SORBS2: variants seen among roughly 807,000 people sequenced by gnomAD.
SORBS2 encodes the protein sorbin and SH3 domain-containing protein 2.
SORBS2 carries 46 observed loss-of-function variants against 97.7 expected under a neutral mutation model. The observed-to-expected ratio is 0.47, with a 90% confidence interval of 0.37 to 0.60. SORBS2 has a LOEUF of 0.60. SORBS2 is among the 20% of genes least tolerant of loss of function. The probability of loss-of-function intolerance (pLI) is 0.00; values close to 1 mark genes in which losing one functional copy is unlikely to be tolerated. For missense variants in SORBS2, 1,316 were observed against 1,282.3 expected (o/e 1.03, Z -0.40); for synonymous variants, 476 against 473.4 (o/e 1.01, Z -0.07).
intron 2 of SORBS2, among the ~76,000 whole-genome samples, chr4:185,679,756 C>T (rs2097845080): frequency 6.6e-6 from 1 of 152,172 alleles, no homozygotes; most frequent in African/African-American, 2.4e-5. Context: ...TATTAGATTC[C>T]CATTTCAATT....
At chr4:185,810,731 A>G (rs1303969058) in intron 1 of SORBS2, 1 of 152,196 alleles carries the variant, frequency 6.6e-6, no homozygotes, top group Non-Finnish European at 1.5e-5. Context: ...GAGACTATAA[A>G]TCAAGGAAAT....
At chr4:185,798,237 A>G (rs545272230) in intron 1 of SORBS2, among the ~76,000 whole-genome samples, 7 of 152,344 alleles carry the variant, frequency 4.6e-5, no homozygotes, top group African/African-American at 1.7e-4. Context: ...CTTTAGGATA[A>G]TGTATCATCT....
At chr4:185,631,424 A>G (rs1484439470) in intron 4 of SORBS2, among the ~76,000 whole-genome samples, 3 of 152,216 alleles carry the variant, frequency 2.0e-5, no homozygotes, top group Admixed American at 6.5e-5. Flanking sequence ...GAGGACACTG[A>G]GCTATCAAGT....
At chr4:185,712,221 A>G (rs2098426223) in intron 2 of SORBS2, among the ~76,000 whole-genome samples, 1 of 152,100 alleles carries the variant, frequency 6.6e-6, no homozygotes, top group South Asian at 2.1e-4. Context: ...CCCCAGACTT[A>G]GCTGGTAGGT....
intron 4 of SORBS2, among the ~76,000 whole-genome samples, chr4:185,662,868 ATC>A (rs772622815): frequency 5.3e-5 from 8 of 152,148 alleles, no homozygotes; most frequent in Non-Finnish European, 1.2e-4. Flanking sequence ...CACTTCATGA[ATC>A]TCTGTTTGAT....
intron 1 of SORBS2, among the ~76,000 whole-genome samples, chr4:185,838,619 G>A (rs1035902509): frequency 6.6e-6 from 1 of 152,214 alleles, no homozygotes; most frequent in Admixed American, 6.5e-5. Flanking sequence ...GCTCAGTGAT[G>A]TGTCACCTTG....
intron 1 of SORBS2, among the ~76,000 whole-genome samples, chr4:185,806,471 T>G (rs1267762786): frequency 4.0e-5 from 2 of 50,580 alleles, no homozygotes; most frequent in Non-Finnish European, 7.5e-5. Context: ...TTTTTTTTTT[T>G]TTTTGAGACG....
chr4:185,820,428 C>T (rs1299290333), intron 1 of SORBS2, among the ~76,000 whole-genome samples: 2 of 152,200 alleles, frequency 1.3e-5, no homozygotes, highest in African/African-American at 4.8e-5. Context: ...AGTTCTTTCC[C>T]TCATTTAACC....
chr4:185,729,665 T>C (rs1027367036), intron 2 of SORBS2, among the ~76,000 whole-genome samples: 1 of 152,258 alleles, frequency 6.6e-6, no homozygotes, highest in Non-Finnish European at 1.5e-5. Flanking sequence ...AGTGCTTCAT[T>C]ACTTTTCCTC....
At position 185,646,792 on chromosome 4, in the gene SORBS2, A is replaced by G. The variant is rs1420021321; in HGVS notation, c.282-10T>C. The G allele has an allele frequency of 6.8e-7, 1 of 1,478,380 alleles. No homozygotes were observed. The highest frequency in any genetic ancestry group is 2.3e-5 in the East Asian group (1 of 44,262). 91.6% of individuals were successfully genotyped at this position (1,478,380 alleles called of 1,614,324 possible). On this transcript the variant is annotated splice_polypyrimidine_tract_variant and intron_variant, in intron 3 of 14. Transcript: ENST00000418609. ...AGGATCCCAGTCATGCCTAGAAATA[A>G]ACAATAAATCACACATTAAAATAAT... is the stretch of plus-strand genomic sequence containing the variant.
At chr4:185,670,581 A>T (rs560895057) in intron 4 of SORBS2, among the ~76,000 whole-genome samples, 2 of 151,588 alleles carry the variant, frequency 1.3e-5, no homozygotes, top group Non-Finnish European at 1.5e-5. Flanking sequence ...ATAGTAATTT[A>T]CTTGAAAAGA....
chr4:185,723,068 A>G (rs2098528305), intron 2 of SORBS2, among the ~76,000 whole-genome samples: 1 of 152,200 alleles, frequency 6.6e-6, no homozygotes, highest in Non-Finnish European at 1.5e-5. Context: ...GTGCCTGCAC[A>G]TGTAAGAGCT....
At chr4:185,942,114 T>TAAAACAA in intron 1 of SORBS2, among the ~76,000 whole-genome samples, 1 of 151,782 alleles carries the variant, frequency 6.6e-6, no homozygotes, top group East Asian at 1.9e-4. Context: ...AGATTCCATT[T>TAAAACAA]AAAACAAAAA....
intron 2 of SORBS2, among the ~76,000 whole-genome samples, chr4:185,755,076 A>G (rs913426857): frequency 6.6e-6 from 1 of 152,260 alleles, no homozygotes; most frequent in African/African-American, 2.4e-5. Flanking sequence ...TCAATGACCA[A>G]TTCTCTGCCC....
At chr4:185,624,558 G>T (rs1251186220) in intron 6 of SORBS2, 64 bp from the exon 19 acceptor site, 7 of 1,495,160 alleles carry the variant, frequency 4.7e-6, no homozygotes, top group Non-Finnish European at 6.2e-6. Flanking sequence ...TTCACAAAGA[G>T]AGGAGAGCAT....
intron 4 of SORBS2, among the ~76,000 whole-genome samples, chr4:185,673,460 A>T (rs1235125846): frequency 6.6e-6 from 1 of 152,160 alleles, no homozygotes; most frequent in Non-Finnish European, 1.5e-5. Context: ...CCTACCAGTA[A>T]AAAAAATGAA....
intron 1 of SORBS2, among the ~76,000 whole-genome samples, chr4:185,872,141 G>C (rs1351421595): frequency 2.0e-5 from 3 of 152,118 alleles, no homozygotes; most frequent in African/African-American, 7.2e-5. Flanking sequence ...ATGTTCTGAA[G>C]GCACCCTTAA....
Position 185,623,800 on chromosome 4 carries a change from C to A in SORBS2, c.1329G>T (p.Pro443=). ...GCCTCTTGGGACATAGGCCATTTTG[C>A]GGTGGTTCTAGGGTTACGGGAGACA... Residue 443 remains proline (P), a synonymous_variant, in exon 7 of 15, where the codon CCG becomes CCT. Coordinates refer to ENST00000418609, the Ensembl canonical transcript of SORBS2. This position sits in a 1 kb window ranked among gnomAD's most constrained non-coding sequence, Gnocchi z 6.4. 1 of 1,614,014 alleles carries A rather than the reference C, an allele frequency of 6.2e-7. No homozygotes were observed. Among genetic ancestry groups the A allele is most frequent in the Non-Finnish European group, 8.5e-7 (1 of 1,179,998 alleles).
At chr4:185,612,655 A>AT (rs2096560181) in intron 11 of SORBS2, among the ~76,000 whole-genome samples, 2 of 151,806 alleles carry the variant, frequency 1.3e-5, no homozygotes, top group African/African-American at 4.8e-5. Flanking sequence ...GGCCCGGCTA[A>AT]TTTTTTGTAT....
Sources: gnomAD v4.1 joint callset for allele counts (sites outside exome capture counted in the v4.1 genomes callset) on GRCh38, gnomAD v4.1.1 for gene constraint, Gnocchi (gnomAD v3.1) non-coding constraint, MANE v1.5 for transcripts, NCBI Gene and HGNC (gene_info 2026-07-23, HGNC 2026-07-21) for gene names.